PCNX2: variants seen among roughly 807,000 people sequenced by gnomAD.
The protein encoded by PCNX2 is pecanex-like protein 2.
In PCNX2, 168 loss-of-function variants were observed where a neutral mutation model predicts 223.8. The ratio of observed to expected loss-of-function variants is 0.75; its 90% CI spans 0.66 to 0.85. The LOEUF is 0.85. PCNX2 is among the 40% of genes least tolerant of loss of function. The pLI is 0.00. For missense variants in PCNX2, 2,507 were observed against 2,675.5 expected, an observed-to-expected ratio of 0.94 and a Z score of 1.39; for synonymous variants, 1,006 against 1,052.6, an observed-to-expected ratio of 0.96 and a Z score of 0.86.
rs370098664 is a variant in PCNX2 at position 233,121,979 on chromosome 1, A to G, written c.3837+13034T>C. Among the ~76,000 whole-genome samples the G allele has an allele frequency of 1.6e-4, 24 of 152,186 alleles. 1 individual carries two copies. In the East Asian group the frequency reaches 2.1e-3, roughly 13 times the overall value. ...AAACTGTTTTCCAATAAAATAGAACAGGGTTTCCTGGAGAAATGGCTTATT... is the reference window on the plus strand; with the variant it reads ...AAACTGTTTTCCAATAAAATAGAACGGGGTTTCCTGGAGAAATGGCTTATT... On this transcript the variant is annotated intron_variant, in intron 21 of 33. Transcript: ENST00000258229.
In PCNX2 at chr1:233,258,898, G is replaced by A. The variant is rs369465420; in HGVS notation, c.964C>T (p.Pro322Ser). The A allele has an allele frequency of 1.5e-5, 24 of 1,613,796 alleles. No homozygotes were observed. The African/African-American group carries it at 2.7e-4, about 18-fold the overall frequency. Residue 322 changes from proline to serine, a missense_variant, in exon 5 of 34, where the codon CCT (proline) becomes TCT (serine). Physicochemically the swap from Pro to Ser is moderately conservative, Grantham distance 74. Coordinates refer to ENST00000258229, the MANE Select transcript of PCNX2 (RefSeq NM_014801.4). ...CPQCDTIVAK[P>S]VEEPADTSCQ... is the part of the protein sequence containing the mutation. ...GATGTGTCTGCTGGCTCCTCCACAGGCTTGGCCACGATGGTGTCACATTGA... is the reference window on the plus strand; with the variant it reads ...GATGTGTCTGCTGGCTCCTCCACAGACTTGGCCACGATGGTGTCACATTGA...
At chr1:233,032,860 C>T in intron 25 of PCNX2, 2 of 501,682 alleles carry the variant, frequency 4.0e-6, no homozygotes, top group Non-Finnish European at 5.2e-6. Flanking sequence ...AAGCTTAGTT[C>T]AGGTGAGTCT....
At chr1:233,266,690 C>T (rs1660348369) in intron 1 of PCNX2, among the ~76,000 whole-genome samples, 2 of 152,110 alleles carry the variant, frequency 1.3e-5, no homozygotes, top group Admixed American at 6.5e-5. Context: ...TTTTGAATAG[C>T]CGTTTTCTTG....
chr1:233,245,197 T>C (rs1311398532), intron 8 of PCNX2, among the ~76,000 whole-genome samples: 1 of 152,156 alleles, frequency 6.6e-6, no homozygotes, highest in Non-Finnish European at 1.5e-5. Context: ...CACCTACCTA[T>C]AAAGGGCTAA....
chr1:232,999,668 G>A, intron 30 of PCNX2: 1 of 314,664 alleles, frequency 3.2e-6, no homozygotes, highest in Non-Finnish European at 5.9e-6. Flanking sequence ...TGGTCAGGCT[G>A]GTCTCGAACT....
intron 1 of PCNX2, among the ~76,000 whole-genome samples, chr1:233,290,436 C>A (rs1147306): frequency 0.054 from 8,245 of 152,146 alleles, 690 homozygotes; most frequent in African/African-American, 0.18. Flanking sequence ...ATGGGGTAAA[C>A]TCAAAGTGCT....
At chr1:233,016,565 T>C (rs1670671007) in intron 27 of PCNX2, among the ~76,000 whole-genome samples, 1 of 152,232 alleles carries the variant, frequency 6.6e-6, no homozygotes, top group Admixed American at 6.5e-5. Flanking sequence ...TGATTCAATA[T>C]GTTCAGTAAA....
At chr1:233,310,987 ACT>A in the PCNX2 span, among the ~76,000 whole-genome samples, 3 of 152,148 alleles carry the variant, frequency 2.0e-5, no homozygotes, top group East Asian at 5.8e-4. Context: ...ATTGGGATCC[ACT>A]TTCAAAATGA....
At chr1:233,097,515 C>T (rs1674244376) in intron 21 of PCNX2, among the ~76,000 whole-genome samples, 1 of 152,112 alleles carries the variant, frequency 6.6e-6, no homozygotes, top group Admixed American at 6.5e-5. Flanking sequence ...GAGGATTGAT[C>T]TCGATTGGTT....
At chr1:233,192,992 CTT>C (rs1189432314) in intron 15 of PCNX2, among the ~76,000 whole-genome samples, 4 of 146,042 alleles carry the variant, frequency 2.7e-5, no homozygotes, top group Non-Finnish European at 4.5e-5. Flanking sequence ...ATTATTTAGA[CTT>C]ATATATTATA....
chr1:233,100,487 A>G lies in PCNX2; in HGVS notation c.3838-4624T>C, dbSNP rs957567126. 4.7e-4 allele frequency among the ~76,000 whole-genome samples: 72 copies of G among 152,048 alleles called. 1 individual carries two copies. Among genetic ancestry groups the G allele is most frequent in the Non-Finnish European group, 8.8e-5 (6 of 68,016 alleles). On this transcript the variant is annotated intron_variant, in intron 21 of 33. Coordinates refer to ENST00000258229, the MANE Select transcript of PCNX2 (RefSeq NM_014801.4). ...TGGCTGTTTCCCAAGGAAAGTCACC[A>G]TAAATACTCTCATTTCAAATGACCT...
chr1:233,152,433 C>T (rs12353954), intron 19 of PCNX2, among the ~76,000 whole-genome samples: 75,537 of 151,938 alleles, frequency 0.5, 21,766 homozygotes, highest in South Asian at 0.67. Context: ...GGGAAAAAGG[C>T]GAGGTAAGGA....
intron 19 of PCNX2, among the ~76,000 whole-genome samples, chr1:233,148,474 C>T (rs1677596397): frequency 6.6e-6 from 1 of 151,266 alleles, no homozygotes; most frequent in Non-Finnish European, 1.5e-5. Flanking sequence ...ACTCTGTTGC[C>T]CAGGCTGGAG....
chr1:233,311,601 A>T, the PCNX2 span, among the ~76,000 whole-genome samples: 1 of 152,244 alleles, frequency 6.6e-6, no homozygotes, highest in Non-Finnish European at 1.5e-5. Flanking sequence ...AATAAATTAC[A>T]ATAGAAATAA....
At chr1:233,107,450 A>G (rs1332706579) in intron 21 of PCNX2, among the ~76,000 whole-genome samples, 3 of 152,208 alleles carry the variant, frequency 2.0e-5, no homozygotes, top group African/African-American at 7.2e-5. Context: ...TATCCTGGGT[A>G]AGGCTATGTC....
At chr1:233,059,251 T>C (rs1558194112) in intron 23 of PCNX2, among the ~76,000 whole-genome samples, 1 of 152,232 alleles carries the variant, frequency 6.6e-6, no homozygotes, top group Non-Finnish European at 1.5e-5. Context: ...CTTTCACATG[T>C]TGTACCTGTA....
chr1:233,096,093 T>C (rs1357156780), intron 21 of PCNX2, among the ~76,000 whole-genome samples: 1 of 152,200 alleles, frequency 6.6e-6, no homozygotes, highest in Non-Finnish European at 1.5e-5. Flanking sequence ...TCAACGGATT[T>C]ATTATTTCAA....
intron 1 of PCNX2, among the ~76,000 whole-genome samples, chr1:233,288,181 GA>G (rs1330040263): frequency 6.6e-6 from 1 of 152,126 alleles, no homozygotes; most frequent in Admixed American, 6.5e-5. Context: ...ATTAAAGCCA[GA>G]AAATAACAAT....
At chr1:233,051,951 A>G (rs1307455912) in intron 25 of PCNX2, among the ~76,000 whole-genome samples, 4 of 152,206 alleles carry the variant, frequency 2.6e-5, no homozygotes, top group African/African-American at 7.2e-5. Flanking sequence ...GGACAGTTCT[A>G]TTGTATTATT....
Sources: allele counts gnomAD v4.1 joint callset (sites outside exome capture counted in the v4.1 genomes callset), GRCh38; gene constraint gnomAD v4.1.1; transcripts MANE v1.5; gene names NCBI Gene and HGNC (gene_info 2026-07-23, HGNC 2026-07-21).